The following RFX3 variants were observed in gnomAD, a reference collection of about 807,000 sequenced individuals.
RFX3 encodes the protein regulatory factor X3.
RFX3 carries 14 observed loss-of-function variants against 98.6 expected under a neutral mutation model. The observed-to-expected ratio is 0.14, with a 90% CI of 0.09 to 0.22. The LOEUF (loss-of-function observed/expected upper bound fraction) is 0.22, where lower values mean the gene tolerates loss of function less well. Among genes scored for constraint, RFX3 ranks in the 10% least tolerant of loss-of-function variants. The pLI is 1.00. For missense variants in RFX3, 639 were observed against 926.9 expected, an observed-to-expected ratio of 0.69 and a Z score of 4.03; for synonymous variants, 383 against 328.4, an observed-to-expected ratio of 1.17 and a Z score of -1.80.
intron 15 of RFX3, among the ~76,000 whole-genome samples, chr9:3,235,602 T>C (rs982621917): frequency 6.6e-6 from 1 of 152,174 alleles, no homozygotes; most frequent in Non-Finnish European, 1.5e-5. Flanking sequence ...TTCTGAAGTG[T>C]CTAGAAAAGA....
intron 3 of RFX3, chr9:3,344,769 C>G (rs894863938): frequency 1.2e-5 from 8 of 683,776 alleles, no homozygotes; most frequent in Non-Finnish European, 2.1e-5. Context: ...TTTATTTTCC[C>G]TGAGAGCATA....
At chr9:3,366,475 C>G (rs1837087080) in intron 2 of RFX3, among the ~76,000 whole-genome samples, 1 of 152,142 alleles carries the variant, frequency 6.6e-6, no homozygotes, top group African/African-American at 2.4e-5. Context: ...TATTAAAGAA[C>G]ATAATGAACT....
intron 1 of RFX3, among the ~76,000 whole-genome samples, chr9:3,505,988 A>G (rs1407863111): frequency 6.6e-6 from 1 of 151,874 alleles, no homozygotes; most frequent in African/African-American, 2.4e-5. Context: ...TTATGTGCCA[A>G]TATTTGCTCA....
At chr9:3,502,075 C>A (rs1451753684) in intron 1 of RFX3, among the ~76,000 whole-genome samples, 1 of 151,066 alleles carries the variant, frequency 6.6e-6, no homozygotes, top group Non-Finnish European at 1.5e-5. Context: ...CACAGTGAAA[C>A]CCCGTCTCCA....
At chr9:3,302,499 C>T (rs192803469) in intron 4 of RFX3, among the ~76,000 whole-genome samples, 5 of 151,740 alleles carry the variant, frequency 3.3e-5, no homozygotes, top group Admixed American at 2.0e-4. Flanking sequence ...TATTTGGATA[C>T]TGAGCTATAT....
chr9:3,240,621 G>T (rs1284688068), intron 15 of RFX3, among the ~76,000 whole-genome samples: 1 of 152,134 alleles, frequency 6.6e-6, no homozygotes, highest in Admixed American at 6.5e-5. Flanking sequence ...TTCTTGCAGA[G>T]AATCTCTAAT....
chr9:3,414,570 G>C (rs1842735955), intron 1 of RFX3, among the ~76,000 whole-genome samples: 1 of 148,006 alleles, frequency 6.8e-6, no homozygotes, highest in South Asian at 2.1e-4. Flanking sequence ...TATGCTAGTG[G>C]TATCTACTGC....
intron 4 of RFX3, among the ~76,000 whole-genome samples, chr9:3,307,113 C>A (rs747367567): frequency 3.3e-5 from 5 of 152,112 alleles, no homozygotes; most frequent in Non-Finnish European, 5.9e-5. Context: ...GTGACTTGCT[C>A]CTTCTTGCCT....
intron 1 of RFX3, among the ~76,000 whole-genome samples, chr9:3,480,092 C>T (rs1422954236): frequency 6.6e-6 from 1 of 152,170 alleles, no homozygotes; most frequent in African/African-American, 2.4e-5. Context: ...TGTTGTGTAA[C>T]AAACCACCCC....
intron 4 of RFX3, among the ~76,000 whole-genome samples, chr9:3,329,407 C>CAAAAAAAAAAAAAAAAAAAAAAAAAAAAA (rs1202028884): frequency 1.3e-4 from 5 of 38,168 alleles, no homozygotes; most frequent in Non-Finnish European, 1.4e-4. Flanking sequence ...GACTTCATCT[C>CAAAAAAAAAAAAAAAAAAAAAAAAAAAAA]AAAAAAAAAA....
At chr9:3,311,004 A>G (rs1249755600) in intron 4 of RFX3, among the ~76,000 whole-genome samples, 7 of 152,202 alleles carry the variant, frequency 4.6e-5, no homozygotes, top group Admixed American at 3.3e-4. Flanking sequence ...TTACTAGGCA[A>G]TAAAAAGTTT....
At chr9:3,394,884 T>C (rs1374327482) in intron 2 of RFX3, 1 of 971,824 alleles carries the variant, frequency 1.0e-6, no homozygotes, top group Admixed American at 6.2e-5. Flanking sequence ...CTGCCCTGCG[T>C]ATGAATAAGA....
At chr9:3,486,040 G>A (rs1458770757) in intron 1 of RFX3, among the ~76,000 whole-genome samples, 2 of 145,786 alleles carry the variant, frequency 1.4e-5, no homozygotes, top group Non-Finnish European at 3.0e-5. Context: ...CAGGGGAATC[G>A]CTTGAACCCA....
intron 2 of RFX3, among the ~76,000 whole-genome samples, chr9:3,360,974 T>C (rs573168888): frequency 1.3e-5 from 2 of 152,302 alleles, no homozygotes; most frequent in African/African-American, 2.4e-5. Flanking sequence ...AAGGCCTTCA[T>C]TGCCTTTCAC....
intron 4 of RFX3, among the ~76,000 whole-genome samples, chr9:3,324,602 A>G (rs907761070): frequency 1.7e-5 from 2 of 115,698 alleles, no homozygotes; most frequent in Non-Finnish European, 3.7e-5. Context: ...AAAAAAAAAG[A>G]GAGAGGGAGT....
In RFX3 at chr9:3,414,129, C is replaced by T. The variant is rs575211976; in HGVS notation, c.-8-18533G>A. The stretch of plus-strand genomic sequence containing the variant: ...TTTATTGAAATGGGACACTGAGTTC[C>T]AGAAAGATCAAATACTTTTCCTAAG... On this transcript the variant is annotated intron_variant, in intron 1 of 16. Coordinates refer to ENST00000617270, the MANE Select transcript of RFX3 (RefSeq NM_001282116.2). Among the ~76,000 whole-genome samples the T allele has an allele frequency of 2.0e-5, 3 of 152,102 alleles. No homozygotes were observed. The South Asian group carries it at 6.2e-4, about 32-fold the overall frequency.
chr9:3,331,548 GTA>G (rs1832603862), intron 3 of RFX3, among the ~76,000 whole-genome samples: 1 of 152,110 alleles, frequency 6.6e-6, no homozygotes, highest in South Asian at 2.1e-4. Context: ...AGAGTTTGGT[GTA>G]TATGTTTTCA....
chr9:3,416,185 A>G (rs1331800719), intron 1 of RFX3, among the ~76,000 whole-genome samples: 1 of 152,216 alleles, frequency 6.6e-6, no homozygotes, highest in South Asian at 2.1e-4. Context: ...TGCTTTATAA[A>G]TACTATCCCA....
intron 1 of RFX3, among the ~76,000 whole-genome samples, chr9:3,457,804 T>C (rs753365411): frequency 2.0e-5 from 3 of 152,114 alleles, no homozygotes; most frequent in South Asian, 2.1e-4. Context: ...GCCATCTATA[T>C]GCAATTCACC....
Sources: allele counts gnomAD v4.1 joint callset (sites outside exome capture counted in the v4.1 genomes callset), GRCh38; gene constraint gnomAD v4.1.1; transcripts MANE v1.5; gene names NCBI Gene and HGNC (gene_info 2026-07-23, HGNC 2026-07-21).